ATM: variants seen among roughly 807,000 people sequenced by gnomAD.
The protein encoded by ATM is serine-protein kinase ATM.
In ATM, 308 loss-of-function variants were observed where a neutral mutation model predicts 387.0. That is an observed-to-expected ratio of 0.80 (90% confidence interval 0.73 to 0.87). The LOEUF is 0.87. Among genes scored for constraint, ATM ranks in the 40% least tolerant of loss-of-function variants. The pLI, the probability that ATM is intolerant of heterozygous loss-of-function variation, is 0.00. For synonymous variants in ATM, 1,156 were observed against 1,187.3 expected, an observed-to-expected ratio of 0.97 and a Z score of 0.54; for missense variants, 3,312 against 3,560.9, an observed-to-expected ratio of 0.93 and a Z score of 1.78.
chr11:108,257,502 G>GA lies in ATM; in HGVS notation c.2275dup (p.Ser759LysfsTer6). On this transcript the variant is annotated frameshift_variant, in exon 15 of 63. Coordinates refer to ENST00000675843, the MANE Select transcript of ATM (RefSeq NM_000051.4). LOFTEE classifies it high-confidence loss of function. ...ATAGTCTCTAATGCAATGTGCAGGA[G>GA]AAAGTATCACTCTGTTTAAAAATAA... 1 of 1,613,536 alleles carries GA rather than the reference G, an allele frequency of 6.2e-7. No homozygotes were observed. Among genetic ancestry groups the GA allele is most frequent in the Non-Finnish European group, 8.5e-7 (1 of 1,179,822 alleles).
chr11:108,268,318 T>C (rs1276613292), intron 17 of ATM, 92 bp from the exon 18 acceptor site: 1 of 1,234,892 alleles, frequency 8.1e-7, no homozygotes, highest in African/African-American at 1.5e-5. Context: ...TCATATACTT[T>C]TTTTTGTGAA....
chr11:108,307,553 G>A (rs1283166934), intron 37 of ATM, among the ~76,000 whole-genome samples: 2 of 152,158 alleles, frequency 1.3e-5, no homozygotes, highest in African/African-American at 4.8e-5. Flanking sequence ...ATATTGTGTT[G>A]TAATGTCCCA....
chr11:108,273,749 C>T (rs183230581), intron 22 of ATM, among the ~76,000 whole-genome samples: 1 of 152,210 alleles, frequency 6.6e-6, no homozygotes, highest in East Asian at 1.9e-4. Flanking sequence ...GGTGGATAAG[C>T]GTTTTGATGT....
chr11:108,287,107 G>A (rs1043656977), intron 26 of ATM: 2 of 153,564 alleles, frequency 1.3e-5, no homozygotes, highest in African/African-American at 4.8e-5. Flanking sequence ...TAGAATTTGG[G>A]ATGGCACTCA....
At chr11:108,223,596 G>C (rs2078594552) in intron 1 of ATM, 2 of 152,222 alleles carry the variant, frequency 1.3e-5, no homozygotes, top group African/African-American at 2.4e-5. Flanking sequence ...TCTGTCAGTC[G>C]TGTGGCCGCT....
intron 33 of ATM, among the ~76,000 whole-genome samples, chr11:108,297,662 G>A (rs1436784732): frequency 6.6e-6 from 1 of 152,188 alleles, no homozygotes; most frequent in East Asian, 1.9e-4. Flanking sequence ...TTGGCGGAAT[G>A]AATGTGAGTT....
At chr11:108,298,476 AG>A (rs1405864703) in intron 33 of ATM, among the ~76,000 whole-genome samples, 1 of 152,246 alleles carries the variant, frequency 6.6e-6, no homozygotes, top group Non-Finnish European at 1.5e-5. Context: ...CCAGAACTGT[AG>A]AAGTTTTCTT....
At chr11:108,232,125 A>G (rs1333910639) in intron 4 of ATM, among the ~76,000 whole-genome samples, 1 of 152,282 alleles carries the variant, frequency 6.6e-6, no homozygotes, top group Admixed American at 6.5e-5. Flanking sequence ...TAATTGCAAC[A>G]TTAACAATGG....
At chr11:108,321,254 A>G in intron 44 of ATM, 47 bp from the exon 45 acceptor site, 2 of 1,611,384 alleles carry the variant, frequency 1.2e-6, no homozygotes, top group South Asian at 1.1e-5. Context: ...TATTTCCCTG[A>G]AAACCTCTTC....
chr11:108,225,597 C>G (rs1292791076), intron 1 of ATM: 4 of 152,146 alleles, frequency 2.6e-5, no homozygotes, highest in African/African-American at 9.7e-5. Flanking sequence ...CCTCAGTCTC[C>G]CCAGTAGCTA....
intron 24 of ATM, 130 bp from the exon 25 acceptor site, chr11:108,282,580 C>T (rs1423544843): frequency 2.2e-5 from 18 of 814,466 alleles, no homozygotes; most frequent in Middle Eastern, 3.3e-4. Context: ...ATTCCCATCT[C>T]ATAGATGAGG....
At chr11:108,268,324 G>C in intron 17 of ATM, 86 bp from the exon 18 acceptor site, 1 of 1,237,674 alleles carries the variant, frequency 8.1e-7, no homozygotes, top group Non-Finnish European at 1.1e-6. Flanking sequence ...ACTTTTTTTT[G>C]TGAAGAGGAG....
At chr11:108,259,138 A>C in intron 16 of ATM, 63 bp downstream of exon 16, 1 of 1,334,088 alleles carries the variant, frequency 7.5e-7, no homozygotes, top group Non-Finnish European at 1.1e-6. Context: ...TTTTTGTTGA[A>C]ATATCTTTGT....
chr11:108,298,067 A>G (rs1322023615), intron 33 of ATM, among the ~76,000 whole-genome samples: 1 of 152,208 alleles, frequency 6.6e-6, no homozygotes, highest in East Asian at 1.9e-4. Context: ...TTAAACTTAA[A>G]TAATTAAAAA....
At chr11:108,244,198 A>G in intron 6 of ATM, 80 bp downstream of exon 6, 1 of 1,502,206 alleles carries the variant, frequency 6.7e-7, no homozygotes, top group African/African-American at 1.4e-5. Context: ...TCAGTAACTA[A>G]AAATTCTACC....
chr11:108,229,421 A>C, intron 4 of ATM, 98 bp downstream of exon 4: 1 of 1,183,462 alleles, frequency 8.4e-7, no homozygotes, highest in Non-Finnish European at 1.2e-6. Flanking sequence ...TAACTGTTGC[A>C]TAAGTTTGTT....
rs375861360 is a variant in ATM at position 108,356,821 on chromosome 11, G to T, written c.8850+1947G>T. On this transcript the variant is annotated intron_variant, in intron 61 of 62. Transcript: ENST00000675843. ...CAAATGAGAGAAGTGACAGTGGCCAGATCCTTTGCCATTGTAAGGACTTTG... is the reference window on the plus strand; with the variant it reads ...CAAATGAGAGAAGTGACAGTGGCCATATCCTTTGCCATTGTAAGGACTTTG... Among the ~76,000 whole-genome samples, 15 of 152,344 alleles carry T rather than the reference G, an allele frequency of 9.8e-5. No homozygotes were observed. In the East Asian group the frequency reaches 2.5e-3, roughly 25 times the overall value.
intron 37 of ATM, among the ~76,000 whole-genome samples, chr11:108,307,365 G>T (rs565924659): frequency 6.6e-6 from 1 of 152,160 alleles, no homozygotes; most frequent in East Asian, 1.9e-4. Context: ...GGCCAGGCTG[G>T]TCTCAAACTT....
At chr11:108,253,044 GC>G in intron 12 of ATM, 132 bp downstream of exon 12, 1 of 733,920 alleles carries the variant, frequency 1.4e-6, no homozygotes, top group Non-Finnish European at 2.3e-6. Context: ...GCAACTGTTA[GC>G]CAGGGAAGAG....
Sources: gnomAD v4.1 joint callset for allele counts (sites outside exome capture counted in the v4.1 genomes callset) on GRCh38, gnomAD v4.1.1 for gene constraint, MANE v1.5 for transcripts, NCBI Gene and HGNC (gene_info 2026-07-23, HGNC 2026-07-21) for gene names.